ENSA: variants seen among roughly 807,000 people sequenced by gnomAD.
ENSA encodes alpha-endosulfine.
A neutral mutation model predicts 16.8 loss-of-function variants in ENSA; 7 were observed. The observed-to-expected ratio is 0.42, with a 90% CI of 0.24 to 0.78. The LOEUF (loss-of-function observed/expected upper bound fraction) is 0.78. ENSA is among the 30% of genes least tolerant of loss of function. The pLI, the probability that ENSA is intolerant of heterozygous loss-of-function variation, is 0.29. For synonymous variants in ENSA, 58 were observed against 53.4 expected (o/e 1.09, Z -0.37); for missense variants, 87 against 142.3 (o/e 0.61, Z 1.98).
At chr1:150,625,241 T>C (rs764866980) in intron 3 of ENSA, 79 of 991,436 alleles carry the variant, frequency 8.0e-5, no homozygotes, top group Non-Finnish European at 9.4e-5. Context: ...TCAATCTACC[T>C]TTCCCAACTA....
chr1:150,629,125 T>A, intron 1 of ENSA: 1 of 1,614,142 alleles, frequency 6.2e-7, no homozygotes. Context: ...ATTCACCGTC[T>A]TTCCAACCAC....
chr1:150,623,571 GAAAAGA>G, intron 3 of ENSA: 1 of 985,104 alleles, frequency 1.0e-6, no homozygotes, highest in African/African-American at 1.7e-5. Context: ...AGCTCAGACA[GAAAAGA>G]AAAAAAGTAC....
chr1:150,623,569 C>T (rs1169169710), intron 3 of ENSA: 16 of 984,700 alleles, frequency 1.6e-5, no homozygotes, highest in Non-Finnish European at 1.9e-5. Flanking sequence ...GCAGCTCAGA[C>T]AGAAAAGAAA....
intron 1 of ENSA, among the ~76,000 whole-genome samples, chr1:150,628,527 C>T (rs962802667): frequency 3.3e-5 from 5 of 151,544 alleles, no homozygotes; most frequent in Admixed American, 1.3e-4. Flanking sequence ...TCCCTGCTGC[C>T]CTTTAGTGAC....
intron 3 of ENSA, chr1:150,625,095 C>G (rs1230678054): frequency 1.0e-6 from 1 of 985,236 alleles, no homozygotes; most frequent in African/African-American, 1.7e-5. Context: ...GTAATGGAGG[C>G]TAAGGGGGCA....
At position 150,624,660 on chromosome 1, in the gene ENSA, C is replaced by T. The variant is rs1360487210; in HGVS notation, c.350+982G>A. On this transcript the variant is annotated intron_variant, in intron 3 of 3. Transcript: ENST00000369014. ...ATCCCCAAACCTCAATTTACTCTCTCCTCATGTATCCCTCAAATGGTTCCC... is the reference window on the plus strand; with the variant it reads ...ATCCCCAAACCTCAATTTACTCTCTTCTCATGTATCCCTCAAATGGTTCCC... 5.1e-6 allele frequency: 5 copies of T among 985,562 alleles called. No homozygotes were observed. In the East Asian group the frequency reaches 3.4e-4, roughly 67 times the overall value. 61.1% of individuals were successfully genotyped at this position (985,562 alleles called of 1,614,324 possible).
At chr1:150,624,435 A>C in intron 3 of ENSA, 29 of 985,974 alleles carry the variant, frequency 2.9e-5, no homozygotes, top group Non-Finnish European at 3.5e-5. Context: ...AACATGGGTC[A>C]ACACATGTGC....
intron 1 of ENSA, among the ~76,000 whole-genome samples, chr1:150,628,346 G>A (rs1284441102): frequency 2.0e-5 from 3 of 152,112 alleles, no homozygotes; most frequent in Non-Finnish European, 2.9e-5. Flanking sequence ...TATTATGGTA[G>A]CAAGCTGATA....
chr1:150,625,626 G>A lies in ENSA; in HGVS notation c.350+16C>T, dbSNP rs1649251144. ...CCAGTGGTTGAGGAAGGGGAGGAGA[G>A]GGGGGCTCAGGTTACCCCGCAAGCT... On this transcript the variant is annotated intron_variant, in intron 3 of 3. Transcript: ENST00000369014. 1 of 1,579,380 alleles carries A rather than the reference G, an allele frequency of 6.3e-7. No individual in the cohort carries two copies. The highest frequency in any genetic ancestry group is 1.4e-5 in the African/African-American group (1 of 73,578).
intron 3 of ENSA, chr1:150,623,685 C>G: frequency 1.0e-6 from 1 of 985,232 alleles, no homozygotes; most frequent in Non-Finnish European, 1.2e-6. Context: ...ATGGCTGGGA[C>G]AGTTGAAGAA....
chr1:150,625,801 T>C lies in ENSA; in HGVS notation c.191A>G (p.Tyr64Cys). 2 of 1,600,326 alleles carry C rather than the reference T, an allele frequency of 1.2e-6. No individual in the cohort carries two copies. Among genetic ancestry groups the C allele is most frequent in the Non-Finnish European group, 1.7e-6 (2 of 1,172,558 alleles). The change falls in exon 3 of 4, where the codon TAC becomes TGC. Residue 64 changes from tyrosine (Y) to cysteine (C), a missense_variant. Physicochemically the swap from Tyr to Cys is radical, Grantham distance 194. Coordinates refer to ENST00000369014, the MANE Select transcript of ENSA (RefSeq NM_004436.4). ...LMKRLQKGQK[Y>C]FDSGDYNMAK... ...CATGTTGTAGTCTCCTGAGTCAAAG[T>C]ACTTTTGCTAAGAGATAAGAGGGAG...
At chr1:150,629,219 A>C (rs1192528637) in intron 1 of ENSA, 195 bp downstream of exon 1, 9 of 1,562,698 alleles carry the variant, frequency 5.8e-6, no homozygotes, top group African/African-American at 1.4e-5. Flanking sequence ...GGAAGAGTAC[A>C]GTACTGAGTG....
rs587756891 is a variant in ENSA at position 150,622,671 on chromosome 1, A to G, written c.*173T>C. The stretch of plus-strand genomic sequence containing the variant: ...GTTCAAGGTCTTGGTGCTCAGCCCA[A>G]GGGGCTCCATGTGCTGGGACACCAA... On this transcript the variant is annotated 3_prime_UTR_variant, in exon 4 of 4. Coordinates refer to ENST00000369014, the MANE Select transcript of ENSA (RefSeq NM_004436.4). 3.2e-5 allele frequency: 17 copies of G among 530,236 alleles called. No homozygotes were observed. The South Asian group carries it at 5.0e-4, about 16-fold the overall frequency. 32.8% of individuals were successfully genotyped at this position (530,236 alleles called of 1,614,324 possible).
At chr1:150,625,268 G>A in intron 3 of ENSA, 1 of 1,001,232 alleles carries the variant, frequency 1.0e-6, no homozygotes, top group Non-Finnish European at 1.2e-6. Flanking sequence ...GTTAGCCTTG[G>A]GATGTTAAAC....
chr1:150,625,688 C>T lies in ENSA; in HGVS notation c.304G>A (p.Asp102Asn), dbSNP rs1286643231. The T allele has an allele frequency of 1.9e-6, 3 of 1,612,528 alleles. No homozygotes were observed. Among genetic ancestry groups the T allele is most frequent in the Non-Finnish European group, 1.7e-6 (2 of 1,179,276 alleles). Residue 102 changes from aspartate (D) to asparagine (N), a missense_variant, in exon 3 of 4, where the codon GAT becomes AAT. Transcript: ENST00000369014. ...AGCGAGGACTTTCTCTGGGGCAGAT[C>T]CTGTGGGGTGGGGATGTGATCACCA... ...VTGDHIPTPQDLPQRKSSLVT... is the reference protein window; with the variant it reads ...VTGDHIPTPQNLPQRKSSLVT...
chr1:150,626,331 C>T, intron 2 of ENSA: 4 of 698,382 alleles, frequency 5.7e-6, no homozygotes, highest in Non-Finnish European at 9.9e-6. Flanking sequence ...TTCCTTCTGA[C>T]TCTCACAGCT....
chr1:150,627,690 A>G (rs1649446635), intron 1 of ENSA, 98 bp from the exon 2 acceptor site: 3 of 1,328,702 alleles, frequency 2.3e-6, no homozygotes, highest in Non-Finnish European at 2.1e-6. Context: ...CTGGAAATCC[A>G]CCCACTTGTA....
In ENSA at chr1:150,627,551, T is replaced by C. The variant is rs1571015013; in HGVS notation, c.99A>G (p.Glu33=). ...EKEGILPERA[E]EAKLKAKYPS... ...GGTATTTGGCCTTTAGCTTTGCCTCTTCAGCTCTCTCAGGCAGAATACCTT... is the reference window on the plus strand; with the variant it reads ...GGTATTTGGCCTTTAGCTTTGCCTCCTCAGCTCTCTCAGGCAGAATACCTT... Residue 33 remains glutamate (E), a synonymous_variant, in exon 2 of 4, where the codon GAA becomes GAG. Coordinates refer to ENST00000369014, the MANE Select transcript of ENSA (RefSeq NM_004436.4). The C allele has an allele frequency of 6.2e-7, 1 of 1,614,012 alleles. No homozygotes were observed. The highest frequency in any genetic ancestry group is 1.1e-5 in the South Asian group (1 of 91,066).
intron 1 of ENSA, chr1:150,629,047 G>T: frequency 1.9e-6 from 3 of 1,613,948 alleles, no homozygotes; most frequent in Non-Finnish European, 2.5e-6. Context: ...CAGCCCGGTT[G>T]CTGGGTCACT....
Sources: gnomAD v4.1 joint callset for allele counts (sites outside exome capture counted in the v4.1 genomes callset) on GRCh38, gnomAD v4.1.1 for gene constraint, MANE v1.5 for transcripts, NCBI Gene and HGNC (gene_info 2026-07-23, HGNC 2026-07-21) for gene names.